The following ZNF184 variants were observed in gnomAD, a reference collection of about 807,000 sequenced individuals.
The protein encoded by ZNF184 is zinc finger protein 184.
ZNF184 carries 16 observed loss-of-function variants against 54.4 expected under a neutral mutation model. The ratio of observed to expected loss-of-function variants is 0.29; its 90% CI spans 0.20 to 0.45. ZNF184 has a LOEUF of 0.45. Ranked by LOEUF, ZNF184 falls within the 20% of genes least tolerant of loss-of-function variation. ZNF184 has a pLI of 1.00. For missense variants in ZNF184, 681 were observed against 888.2 expected, an observed-to-expected ratio of 0.77 and a Z score of 2.97; for synonymous variants, 254 against 295.3, an observed-to-expected ratio of 0.86 and a Z score of 1.43.
At chr6:27,455,560 C>G (rs185722539) in intron 5 of ZNF184, among the ~76,000 whole-genome samples, 1 of 150,990 alleles carries the variant, frequency 6.6e-6, no homozygotes, top group Non-Finnish European at 1.5e-5. Flanking sequence ...TTTAATTAAG[C>G]TTTCTAAAGT....
chr6:27,463,027 C>T (rs1763036351), intron 3 of ZNF184, among the ~76,000 whole-genome samples: 1 of 140,652 alleles, frequency 7.1e-6, no homozygotes, highest in East Asian at 2.1e-4. Context: ...TCAAAATGTT[C>T]AAAACGTTAG....
the ZNF184 span, among the ~76,000 whole-genome samples, chr6:27,424,271 A>T: frequency 6.6e-6 from 1 of 152,216 alleles, no homozygotes; most frequent in Non-Finnish European, 1.5e-5. Context: ...TGACTTTTAC[A>T]GCTCACAAAA....
chr6:27,439,656 T>C, the ZNF184 span, among the ~76,000 whole-genome samples: 1 of 152,248 alleles, frequency 6.6e-6, no homozygotes, highest in African/African-American at 2.4e-5. Flanking sequence ...TACAGTAAGA[T>C]ATTTTGAGAG....
At chr6:27,440,997 TC>T in the ZNF184 span, among the ~76,000 whole-genome samples, 1 of 151,790 alleles carries the variant, frequency 6.6e-6, no homozygotes, top group South Asian at 2.1e-4. Context: ...AGAGCAAGAC[TC>T]TGTCTCAAAA....
chr6:27,451,265 T>A lies in ZNF184; in HGVS notation c.*38A>T. On this transcript the variant is annotated 3_prime_UTR_variant, in exon 6 of 6. Transcript: ENST00000683788. ...TACTTAACAAAAGGACAAACTAAAG[T>A]AAATATCTCCCCTAAATTTATGATG... 1 of 1,531,390 alleles carries A rather than the reference T, an allele frequency of 6.5e-7. No homozygotes were observed. The highest frequency in any genetic ancestry group is 8.8e-7 in the Non-Finnish European group (1 of 1,141,932). The allele number at this position is 1,531,390 out of a possible 1,614,324, so 94.9% of individuals were successfully genotyped here.
At chr6:27,461,833 T>G (rs1763001957) in intron 3 of ZNF184, among the ~76,000 whole-genome samples, 1 of 130,168 alleles carries the variant, frequency 7.7e-6, no homozygotes, top group African/African-American at 2.6e-5. Context: ...CAAGACACAG[T>G]ACTGGAGCGG....
intron 2 of ZNF184, among the ~76,000 whole-genome samples, chr6:27,468,420 TTAGATTGGTA>T (rs1763195819): frequency 1.3e-5 from 2 of 152,230 alleles, no homozygotes; most frequent in African/African-American, 2.4e-5. Flanking sequence ...TTAGAACTTT[TTAGATTGGTA>T]TATGGTATAA....
the ZNF184 span, among the ~76,000 whole-genome samples, chr6:27,439,415 G>A: frequency 6.6e-6 from 1 of 152,226 alleles, no homozygotes; most frequent in South Asian, 2.1e-4. Flanking sequence ...GGACATGAAT[G>A]TATTTGTCCA....
chr6:27,460,151 C>T (rs899630586), intron 3 of ZNF184, among the ~76,000 whole-genome samples: 1 of 152,054 alleles, frequency 6.6e-6, no homozygotes, highest in Non-Finnish European at 1.5e-5. Context: ...TATAATCCTA[C>T]TTTTCTTTTT....
At chr6:27,427,895 C>T in the ZNF184 span, among the ~76,000 whole-genome samples, 2 of 152,148 alleles carry the variant, frequency 1.3e-5, no homozygotes, top group African/African-American at 4.8e-5. Context: ...CTGGTAAATG[C>T]CAATAGGGTA....
the ZNF184 span, among the ~76,000 whole-genome samples, chr6:27,429,887 G>GT: frequency 0.014 from 2,115 of 152,268 alleles, 44 homozygotes; most frequent in African/African-American, 0.045. Flanking sequence ...TTTAATACAA[G>GT]TTTTTTGTGG....
chr6:27,437,325 T>C, the ZNF184 span, among the ~76,000 whole-genome samples: 1 of 152,176 alleles, frequency 6.6e-6, no homozygotes, highest in Non-Finnish European at 1.5e-5. Flanking sequence ...GTTCATAGTT[T>C]TGAAGATGAG....
At chr6:27,435,098 C>T in the ZNF184 span, among the ~76,000 whole-genome samples, 383 of 152,166 alleles carry the variant, frequency 2.5e-3, 7 homozygotes, top group Non-Finnish European at 2.4e-3. Context: ...AGTATTACAA[C>T]TTTGTCTATT....
At chr6:27,437,832 A>C in the ZNF184 span, among the ~76,000 whole-genome samples, 1 of 152,240 alleles carries the variant, frequency 6.6e-6, no homozygotes, top group Non-Finnish European at 1.5e-5. Flanking sequence ...GCTTCTACTT[A>C]TCCTGGACAT....
the ZNF184 span, among the ~76,000 whole-genome samples, chr6:27,436,298 G>A: frequency 6.6e-6 from 1 of 152,102 alleles, no homozygotes; most frequent in South Asian, 2.1e-4. Context: ...TGAGTAGCTG[G>A]GACTACAGGC....
intron 3 of ZNF184, among the ~76,000 whole-genome samples, chr6:27,460,565 G>A (rs1334152493): frequency 6.6e-6 from 1 of 152,210 alleles, no homozygotes; most frequent in African/African-American, 2.4e-5. Flanking sequence ...AGAGCAGGGA[G>A]GCAGAGCTCT....
chr6:27,417,624 G>C, the ZNF184 span, among the ~76,000 whole-genome samples: 1 of 151,938 alleles, frequency 6.6e-6, no homozygotes, highest in Non-Finnish European at 1.5e-5. Flanking sequence ...TTCTTTTCTG[G>C]TTCTCAATTT....
At chr6:27,460,582 G>T (rs1762970969) in intron 3 of ZNF184, among the ~76,000 whole-genome samples, 1 of 152,232 alleles carries the variant, frequency 6.6e-6, no homozygotes, top group Non-Finnish European at 1.5e-5. Context: ...CTCTACCAAA[G>T]CAGTGGTCTT....
chr6:27,432,778 C>T, the ZNF184 span, among the ~76,000 whole-genome samples: 7 of 152,188 alleles, frequency 4.6e-5, no homozygotes, highest in Non-Finnish European at 8.8e-5. The surrounding 1 kb of genome is among the most constrained non-coding windows in gnomAD (Gnocchi z 4.0). Context: ...TTCCACCTCC[C>T]AACCTGGGTG....
Sources: gnomAD v4.1 joint callset for allele counts (sites outside exome capture counted in the v4.1 genomes callset) on GRCh38, gnomAD v4.1.1 for gene constraint, Gnocchi (gnomAD v3.1) non-coding constraint, MANE v1.5 for transcripts, NCBI Gene and HGNC (gene_info 2026-07-23, HGNC 2026-07-21) for gene names.